The following RAP1GAP2 variants were observed in gnomAD, a reference collection of about 807,000 sequenced individuals.
The protein encoded by RAP1GAP2 is rap1 GTPase-activating protein 2.
Under a neutral mutation model 95.0 loss-of-function variants are expected in RAP1GAP2, and 27 were observed. That is an observed-to-expected ratio of 0.28 (90% CI 0.21 to 0.39). RAP1GAP2 has a LOEUF of 0.39. Among genes scored for constraint, RAP1GAP2 ranks in the 10% least tolerant of loss-of-function variants. The pLI is 1.00. For synonymous variants in RAP1GAP2, 373 were observed against 380.9 expected, an observed-to-expected ratio of 0.98 and a Z score of 0.24; for missense variants, 771 against 970.0, an observed-to-expected ratio of 0.79 and a Z score of 2.72.
intron 3 of RAP1GAP2, among the ~76,000 whole-genome samples, chr17:2,936,039 T>C (rs1450613962): frequency 6.6e-6 from 1 of 151,812 alleles, no homozygotes; most frequent in African/African-American, 2.4e-5. Context: ...GGTGGGGAGA[T>C]GTGCGCAGAC....
At chr17:2,996,156 C>G (rs1283259500) in intron 13 of RAP1GAP2, among the ~76,000 whole-genome samples, 2 of 152,126 alleles carry the variant, frequency 1.3e-5, no homozygotes, top group Non-Finnish European at 2.9e-5. Context: ...CCCAGCCTTC[C>G]TCATCTCACA....
chr17:2,848,087 G>A (rs1375893523), intron 2 of RAP1GAP2, among the ~76,000 whole-genome samples: 2 of 152,004 alleles, frequency 1.3e-5, no homozygotes, highest in African/African-American at 4.8e-5. Flanking sequence ...ACAGGAAGTC[G>A]GCAGGGTTCT....
In RAP1GAP2 at chr17:2,821,186, G is replaced by A. The variant is rs188425731; in HGVS notation, c.80+20636G>A. Among the ~76,000 whole-genome samples the A allele has an allele frequency of 3.3e-3, 503 of 151,924 alleles. 1 individual carries two copies. Among genetic ancestry groups the A allele is most frequent in the Non-Finnish European group, 5.8e-3 (396 of 67,988 alleles). On this transcript the variant is annotated intron_variant, in intron 2 of 24. Transcript: ENST00000254695. ...ATGCGCTTCTCTTCACCCTTTTTCTGTGTCACAAGCATTTCCATATATTGC... is the reference window on the plus strand; with the variant it reads ...ATGCGCTTCTCTTCACCCTTTTTCTATGTCACAAGCATTTCCATATATTGC...
At chr17:2,886,195 C>T (rs1243982212) in intron 2 of RAP1GAP2, among the ~76,000 whole-genome samples, 10 of 139,286 alleles carry the variant, frequency 7.2e-5, no homozygotes, top group South Asian at 2.2e-4. Context: ...TTTTTTGAGC[C>T]GGAGTCTCGC....
Position 2,998,344 on chromosome 17 carries a change from G to A in RAP1GAP2, c.1168G>A (p.Glu390Lys), listed in dbSNP as rs763486056. 48 of 1,614,000 alleles carry A rather than the reference G, an allele frequency of 3.0e-5. 1 individual carries two copies. The Admixed American group carries it at 6.8e-4, about 23-fold the overall frequency. The change falls in exon 14 of 25, where the codon GAG becomes AAG. Residue 390 changes from glutamate (E) to lysine (K), a missense_variant. Transcript: ENST00000254695. Reference sequence around the variant, plus strand: ...ACATGCCTACATCGTCGTGCAGGTCGAGACCCCAGGCACAGAGACCCCATC... The same window carrying A: ...ACATGCCTACATCGTCGTGCAGGTCAAGACCCCAGGCACAGAGACCCCATC... ...FLHAYIVVQV[E>K]TPGTETPSYK...
chr17:2,797,559 A>C lies in RAP1GAP2; in HGVS notation c.44+988A>C, dbSNP rs2069130307. ...GGGGGTGGCACGAAGGGCGAGGGGG[A>C]GAGGGGCTGTGTTCCTCGGTAATTT... On this transcript the variant is annotated intron_variant, in intron 1 of 24. Transcript: ENST00000254695. The surrounding 1 kb of genome is among the most constrained non-coding windows in gnomAD (Gnocchi z 5.6). 2 of 302,830 alleles carry C rather than the reference A, an allele frequency of 6.6e-6. No homozygotes were observed. The highest frequency in any genetic ancestry group is 9.6e-6 in the Non-Finnish European group (2 of 207,298). The allele number at this position is 302,830 out of a possible 1,614,324, so 18.8% of individuals were successfully genotyped here.
At chr17:2,796,416 G>A, upstream of RAP1GAP2, 2 of 1,236,808 alleles carry the variant, frequency 1.6e-6, no homozygotes, top group Non-Finnish European at 2.3e-6. This position sits in a 1 kb window ranked among gnomAD's most constrained non-coding sequence, Gnocchi z 4.7. Flanking sequence ...GTGCCACGCT[G>A]GGCTCCCCGC....
rs144856286 is a variant in RAP1GAP2 at position 2,811,238 on chromosome 17, C to T, written c.80+10688C>T. 3.6e-3 allele frequency among the ~76,000 whole-genome samples: 543 copies of T among 152,292 alleles called. 5 individuals carry two copies. The highest frequency in any genetic ancestry group is 4.9e-3 in the Non-Finnish European group (335 of 68,012). On this transcript the variant is annotated intron_variant, in intron 2 of 24. Coordinates refer to ENST00000254695, the MANE Select transcript of RAP1GAP2 (RefSeq NM_015085.5). ...GAAGGGTTCAGGTTTTGCAGGCACC[C>T]TGCAGGAGCCCCATGGACACGAGGA...
intron 1 of RAP1GAP2, among the ~76,000 whole-genome samples, chr17:2,799,704 A>G (rs1209843277): frequency 6.6e-6 from 1 of 152,188 alleles, no homozygotes; most frequent in African/African-American, 2.4e-5. Flanking sequence ...TGCTGGTGAC[A>G]GTGGTGGTCA....
intron 2 of RAP1GAP2, among the ~76,000 whole-genome samples, chr17:2,814,370 G>A (rs1386753343): frequency 6.6e-6 from 1 of 152,142 alleles, no homozygotes; most frequent in Non-Finnish European, 1.5e-5. Context: ...GTGCTGCTCT[G>A]CCCACAGGGA....
At chr17:2,983,002 C>A (rs2045423783) in intron 10 of RAP1GAP2, among the ~76,000 whole-genome samples, 1 of 152,218 alleles carries the variant, frequency 6.6e-6, no homozygotes, top group African/African-American at 2.4e-5. Flanking sequence ...AGCTGTTCCT[C>A]CCCTGTGACT....
intron 18 of RAP1GAP2, among the ~76,000 whole-genome samples, chr17:3,018,842 A>G (rs993021906): frequency 6.6e-6 from 1 of 152,000 alleles, no homozygotes; most frequent in South Asian, 2.1e-4. Flanking sequence ...AGGCAGGTGG[A>G]CCACAAGGTC....
intron 2 of RAP1GAP2, among the ~76,000 whole-genome samples, chr17:2,873,935 T>C (rs572218076): frequency 6.6e-6 from 1 of 151,550 alleles, no homozygotes; most frequent in South Asian, 2.1e-4. Context: ...GCTAATTCTG[T>C]ATTTTTGGTA....
At chr17:2,813,460 G>A (rs1032392801) in intron 2 of RAP1GAP2, among the ~76,000 whole-genome samples, 24 of 152,320 alleles carry the variant, frequency 1.6e-4, no homozygotes, top group African/African-American at 4.6e-4. Context: ...TGTGGTGACC[G>A]TCAGTGGTTG....
At chr17:2,927,382 T>C (rs938610635) in intron 3 of RAP1GAP2, among the ~76,000 whole-genome samples, 10 of 151,696 alleles carry the variant, frequency 6.6e-5, no homozygotes, top group South Asian at 2.1e-4. Context: ...CTCGATCTCC[T>C]GACCTCGTGA....
intron 17 of RAP1GAP2, among the ~76,000 whole-genome samples, chr17:3,013,186 G>A (rs1023570635): frequency 6.6e-6 from 1 of 152,200 alleles, no homozygotes; most frequent in Non-Finnish European, 1.5e-5. Context: ...AGCTATCCCT[G>A]GCAGTCTTTG....
At chr17:2,830,964 C>CCTACA in intron 2 of RAP1GAP2, among the ~76,000 whole-genome samples, 1 of 104,868 alleles carries the variant, frequency 9.5e-6, no homozygotes, top group Admixed American at 9.5e-5. Flanking sequence ...CCTCCCCTCC[C>CCTACA]CTTCCCTCCC....
chr17:2,967,178 C>T (rs1326737556), intron 8 of RAP1GAP2, among the ~76,000 whole-genome samples: 2 of 152,052 alleles, frequency 1.3e-5, no homozygotes, highest in Non-Finnish European at 2.9e-5. Flanking sequence ...ACCATCCTGG[C>T]TAACACGGTG....
Position 2,855,169 on chromosome 17 carries a change from C to G in RAP1GAP2, c.81-50115C>G, listed in dbSNP as rs1194039829. ...TTGTGGTGGGTTGTCCCCCATTCCT[C>G]TCGTCCCCCCTTCCTATAATGTGTG... On this transcript the variant is annotated intron_variant, in intron 2 of 24. Transcript: ENST00000254695. This position sits in a 1 kb window ranked among gnomAD's most constrained non-coding sequence, Gnocchi z 4.3. Among the ~76,000 whole-genome samples, 1 of 152,144 alleles carries G rather than the reference C, an allele frequency of 6.6e-6. No individual in the cohort carries two copies. The highest frequency in any genetic ancestry group is 1.5e-5 in the Non-Finnish European group (1 of 68,032).
Sources: gnomAD v4.1 joint callset for allele counts (sites outside exome capture counted in the v4.1 genomes callset) on GRCh38, gnomAD v4.1.1 for gene constraint, Gnocchi (gnomAD v3.1) non-coding constraint, MANE v1.5 for transcripts, NCBI Gene and HGNC (gene_info 2026-07-23, HGNC 2026-07-21) for gene names.